RSU1: variants seen among roughly 807,000 people sequenced by gnomAD.
RSU1 encodes Ras suppressor protein 1.
RSU1 carries 26 observed loss-of-function variants against 31.1 expected under a neutral mutation model. That is an observed-to-expected ratio of 0.84 (90% CI 0.61 to 1.16). The LOEUF (loss-of-function observed/expected upper bound fraction) is 1.16. Ranked by LOEUF, RSU1 falls within the 50% of genes most tolerant of loss-of-function variation. The pLI is 0.00. For synonymous variants in RSU1, 164 were observed against 136.3 expected, an observed-to-expected ratio of 1.20 and a Z score of -1.41; for missense variants, 320 against 339.1, an observed-to-expected ratio of 0.94 and a Z score of 0.44.
chr10:16,693,810 C>T (rs1391143029), intron 8 of RSU1, among the ~76,000 whole-genome samples: 2 of 152,004 alleles, frequency 1.3e-5, no homozygotes, highest in African/African-American at 2.4e-5. Flanking sequence ...TGCAGTGAGC[C>T]GTGATTGTGC....
chr10:16,599,639 GAGA>G (rs1564281648), intron 8 of RSU1, among the ~76,000 whole-genome samples: 1 of 152,220 alleles, frequency 6.6e-6, no homozygotes, highest in African/African-American at 2.4e-5. Context: ...GAGAGCTTGG[GAGA>G]AGATTAAATT....
intron 3 of RSU1, among the ~76,000 whole-genome samples, chr10:16,778,792 G>A (rs1357984460): frequency 6.6e-6 from 1 of 152,202 alleles, no homozygotes; most frequent in African/African-American, 2.4e-5. Flanking sequence ...AGCAAATGGA[G>A]AGGAGAGGCT....
intron 7 of RSU1, among the ~76,000 whole-genome samples, chr10:16,721,945 G>A (rs1251271198): frequency 1.2e-4 from 19 of 152,152 alleles, no homozygotes; most frequent in Admixed American, 1.2e-3. Flanking sequence ...AAGTACAAGA[G>A]AAATTTTTAT....
intron 2 of RSU1, among the ~76,000 whole-genome samples, chr10:16,791,067 A>T (rs1477560680): frequency 1.3e-5 from 2 of 152,096 alleles, no homozygotes; most frequent in African/African-American, 4.8e-5. Context: ...AAAATCAAAG[A>T]ACTAGCTGGA....
intron 8 of RSU1, 32 bp from the exon 9 acceptor site, chr10:16,593,528 C>G (rs1413383871): frequency 6.4e-7 from 1 of 1,554,094 alleles, no homozygotes; most frequent in East Asian, 2.2e-5. Flanking sequence ...ACTATCAGAT[C>G]TATTTTGCCA....
chr10:16,761,134 G>A lies in RSU1; in HGVS notation c.281+3256C>T, dbSNP rs189914764. On this transcript the variant is annotated intron_variant, in intron 4 of 8. Coordinates refer to ENST00000345264, the MANE Select transcript of RSU1 (RefSeq NM_012425.4). ...ATTTTTGTATATTTAGTAGAGACAAGGTTTCGCCACGTTGACCAGGCTGTT... is the reference window on the plus strand; with the variant it reads ...ATTTTTGTATATTTAGTAGAGACAAAGTTTCGCCACGTTGACCAGGCTGTT... Among the ~76,000 whole-genome samples, 159 of 152,200 alleles carry A rather than the reference G, an allele frequency of 1.0e-3. 1 individual carries two copies. Among genetic ancestry groups the A allele is most frequent in the African/African-American group, 3.1e-3 (129 of 41,524 alleles).
chr10:16,688,927 G>GTAGTCCCAGGTACTAGGGAAGCTGAGGC (rs201467193), intron 8 of RSU1, among the ~76,000 whole-genome samples: 2 of 151,888 alleles, frequency 1.3e-5, no homozygotes, highest in African/African-American at 4.8e-5. Flanking sequence ...GGGATTGCTT[G>GTAGTCCCAGGTACTAGGGAAGCTGAGGC]AGCCCTGGAG....
chr10:16,745,819 A>C (rs548162783), intron 7 of RSU1, among the ~76,000 whole-genome samples: 1 of 152,324 alleles, frequency 6.6e-6, no homozygotes, highest in African/African-American at 2.4e-5. Context: ...TCCAGCACTT[A>C]ACCTCTATCC....
intron 5 of RSU1, among the ~76,000 whole-genome samples, chr10:16,753,953 GTCTC>G (rs1441545231): frequency 1.3e-5 from 2 of 152,112 alleles, no homozygotes; most frequent in East Asian, 1.9e-4. Context: ...TAGAGACAGG[GTCTC>G]TCTATGTTGC....
At chr10:16,629,996 C>A (rs1834222112) in intron 8 of RSU1, among the ~76,000 whole-genome samples, 1 of 152,130 alleles carries the variant, frequency 6.6e-6, no homozygotes, top group African/African-American at 2.4e-5. Flanking sequence ...AAAAAAATGA[C>A]TATTAAAAAA....
intron 2 of RSU1, among the ~76,000 whole-genome samples, chr10:16,813,034 C>T (rs1339065884): frequency 1.3e-5 from 2 of 150,708 alleles, no homozygotes; most frequent in Admixed American, 6.6e-5. Context: ...CCTAGTAACA[C>T]GATCATAGCT....
At chr10:16,631,215 G>C (rs1187584562) in intron 8 of RSU1, among the ~76,000 whole-genome samples, 1 of 152,188 alleles carries the variant, frequency 6.6e-6, no homozygotes, top group Non-Finnish European at 1.5e-5. Context: ...AGATGTGAAG[G>C]CAAGCTCTTG....
At chr10:16,644,101 G>C (rs1471648610) in intron 8 of RSU1, among the ~76,000 whole-genome samples, 3 of 151,550 alleles carry the variant, frequency 2.0e-5, no homozygotes, top group Non-Finnish European at 4.4e-5. Context: ...TGGGCAGAGG[G>C]TGGTGGGGGG....
At chr10:16,626,540 T>C (rs901809334) in intron 8 of RSU1, among the ~76,000 whole-genome samples, 3 of 152,196 alleles carry the variant, frequency 2.0e-5, no homozygotes, top group Admixed American at 6.5e-5. Context: ...TGTGGCAATG[T>C]TGGCCTGTCT....
intron 7 of RSU1, among the ~76,000 whole-genome samples, chr10:16,713,876 T>G (rs1836071617): frequency 6.6e-6 from 1 of 152,114 alleles, no homozygotes; most frequent in Non-Finnish European, 1.5e-5. Context: ...AAGGTGTCAT[T>G]TGAGTGTGGT....
intron 2 of RSU1, among the ~76,000 whole-genome samples, chr10:16,785,592 C>A (rs1220898092): frequency 1.3e-5 from 2 of 151,170 alleles, no homozygotes; most frequent in Non-Finnish European, 2.9e-5. Context: ...TTTATGAGAA[C>A]TTTGCCCCCG....
At chr10:16,803,837 G>C (rs1407444058) in intron 2 of RSU1, among the ~76,000 whole-genome samples, 1 of 152,054 alleles carries the variant, frequency 6.6e-6, no homozygotes, top group Non-Finnish European at 1.5e-5. Flanking sequence ...AACTCCAAAT[G>C]AATCACAGAC....
intron 3 of RSU1, among the ~76,000 whole-genome samples, chr10:16,779,389 T>C (rs754329331): frequency 5.3e-5 from 8 of 152,188 alleles, no homozygotes; most frequent in Non-Finnish European, 1.0e-4. Flanking sequence ...TGGGTAGACA[T>C]GTCAAGGCCA....
chr10:16,803,929 T>C (rs1838214210), intron 2 of RSU1, among the ~76,000 whole-genome samples: 1 of 152,162 alleles, frequency 6.6e-6, no homozygotes, highest in Non-Finnish European at 1.5e-5. Context: ...TGGCAATGAC[T>C]TCTTAGATAC....
Sources: allele counts gnomAD v4.1 joint callset (sites outside exome capture counted in the v4.1 genomes callset), GRCh38; gene constraint gnomAD v4.1.1; transcripts MANE v1.5; gene names NCBI Gene and HGNC (gene_info 2026-07-23, HGNC 2026-07-21).